Variants in THSD7B observed in about 807,000 individuals in gnomAD.
THSD7B encodes the protein thrombospondin type 1 domain containing 7B.
Under a neutral mutation model 213.6 loss-of-function variants are expected in THSD7B, and 138 were observed. That is an observed-to-expected ratio of 0.65 (90% confidence interval 0.56 to 0.74). The LOEUF is 0.74. THSD7B is among the 30% of genes least tolerant of loss of function. THSD7B has a pLI of 0.00. For missense variants in THSD7B, 1,931 were observed against 1,991.5 expected (o/e 0.97, Z 0.58); for synonymous variants, 742 against 687.0 (o/e 1.08, Z -1.25).
intron 12 of THSD7B, among the ~76,000 whole-genome samples, chr2:137,307,980 T>A (rs1209169292): frequency 4.6e-5 from 7 of 151,856 alleles, no homozygotes; most frequent in Non-Finnish European, 1.0e-4. Flanking sequence ...GAGGCAGGGG[T>A]GCAAATAGGG....
intron 2 of THSD7B, among the ~76,000 whole-genome samples, chr2:137,016,264 C>T (rs978621412): frequency 2.0e-5 from 3 of 152,106 alleles, no homozygotes; most frequent in African/African-American, 7.2e-5. Context: ...ACCTCCTTTG[C>T]TGTTTCTCTC....
chr2:137,522,653 A>T (rs1285314582), intron 15 of THSD7B, among the ~76,000 whole-genome samples: 1 of 152,028 alleles, frequency 6.6e-6, no homozygotes, highest in Non-Finnish European at 1.5e-5. Flanking sequence ...TTTCCTTTGC[A>T]TTATTTTATT....
chr2:137,359,786 T>G (rs1299670916), intron 12 of THSD7B, among the ~76,000 whole-genome samples: 1 of 152,198 alleles, frequency 6.6e-6, no homozygotes, highest in Non-Finnish European at 1.5e-5. Flanking sequence ...TCTTTTAAGA[T>G]TCTGTCTATA....
chr2:137,546,435 T>TTATA (rs1292087180), intron 15 of THSD7B, among the ~76,000 whole-genome samples: 2 of 32,738 alleles, frequency 6.1e-5, no homozygotes, highest in Non-Finnish European at 9.2e-5. Context: ...TATATATATA[T>TTATA]TATATATATT....
At chr2:136,880,524 A>G (rs1180026424) in intron 1 of THSD7B, among the ~76,000 whole-genome samples, 1 of 152,168 alleles carries the variant, frequency 6.6e-6, no homozygotes, top group African/African-American at 2.4e-5. Flanking sequence ...TGGTAGCCTC[A>G]TCAGACTTAA....
intron 7 of THSD7B, among the ~76,000 whole-genome samples, chr2:137,189,878 C>T (rs1023977525): frequency 6.6e-6 from 1 of 152,038 alleles, no homozygotes; most frequent in Non-Finnish European, 1.5e-5. Context: ...ATATGCTCCT[C>T]AAAAATAGAA....
At chr2:137,031,337 T>G (rs1278190698) in intron 2 of THSD7B, among the ~76,000 whole-genome samples, 1 of 152,154 alleles carries the variant, frequency 6.6e-6, no homozygotes. Context: ...AGAGTGAGAC[T>G]CTGTCTCTGA....
chr2:137,425,367 C>T (rs1234819792), intron 14 of THSD7B, among the ~76,000 whole-genome samples: 1 of 151,868 alleles, frequency 6.6e-6, no homozygotes, highest in African/African-American at 2.4e-5. Flanking sequence ...CAGGCATGCA[C>T]CACCACGCCC....
chr2:137,095,138 C>A lies in THSD7B; in HGVS notation c.1199+17C>A, dbSNP rs774864699. 2 of 1,611,282 alleles carry A rather than the reference C, an allele frequency of 1.2e-6. No individual in the cohort carries two copies. Among genetic ancestry groups the A allele is most frequent in the Non-Finnish European group, 1.7e-6 (2 of 1,177,970 alleles). ...ATGTCCCAGGTATTACGCCTTTATG[C>A]CTTCTTTAGTGTGAAGGAGGCATAA... On this transcript the variant is annotated intron_variant, in intron 4 of 27. Transcript: ENST00000409968.
intron 2 of THSD7B, among the ~76,000 whole-genome samples, chr2:136,957,301 G>A (rs189883689): frequency 1.1e-3 from 167 of 152,300 alleles, no homozygotes; most frequent in South Asian, 7.3e-3. Context: ...GCTACCATGT[G>A]CATGCTGAGA....
At chr2:137,001,893 TTTC>T (rs965836184) in intron 2 of THSD7B, among the ~76,000 whole-genome samples, 2 of 152,158 alleles carry the variant, frequency 1.3e-5, no homozygotes, top group African/African-American at 4.8e-5. Context: ...TTCAAAACTT[TTTC>T]TTTTTTCTTA....
intron 15 of THSD7B, among the ~76,000 whole-genome samples, chr2:137,518,201 A>T (rs1171471580): frequency 6.6e-6 from 1 of 152,086 alleles, no homozygotes; most frequent in Non-Finnish European, 1.5e-5. Flanking sequence ...TGATGGCCTC[A>T]TGGGGAGTTC....
intron 2 of THSD7B, among the ~76,000 whole-genome samples, chr2:137,049,979 C>A (rs894414357): frequency 3.9e-5 from 6 of 152,146 alleles, no homozygotes; most frequent in African/African-American, 1.4e-4. Context: ...TTACAAATCA[C>A]TGGATTGGGT....
intron 14 of THSD7B, among the ~76,000 whole-genome samples, chr2:137,446,479 T>C (rs1156266380): frequency 6.6e-6 from 1 of 152,048 alleles, no homozygotes; most frequent in East Asian, 1.9e-4. Context: ...GTAACATCGA[T>C]AGGGATAGTA....
At chr2:137,212,703 T>G (rs1462172249) in intron 7 of THSD7B, among the ~76,000 whole-genome samples, 1 of 151,992 alleles carries the variant, frequency 6.6e-6, no homozygotes, top group African/African-American at 2.4e-5. Flanking sequence ...AGTTCAGAAA[T>G]TCACTGCTTA....
At chr2:137,093,585 A>G (rs1687990178) in intron 3 of THSD7B, among the ~76,000 whole-genome samples, 2 of 152,194 alleles carry the variant, frequency 1.3e-5, no homozygotes, top group South Asian at 4.1e-4. Flanking sequence ...TTACTTTAGA[A>G]TAGTGTTTTC....
At chr2:137,358,471 G>GA (rs1451145308) in intron 12 of THSD7B, among the ~76,000 whole-genome samples, 1 of 152,014 alleles carries the variant, frequency 6.6e-6, no homozygotes, top group African/African-American at 2.4e-5. Context: ...TCAGAGGACC[G>GA]AAAAAAATTT....
At chr2:137,188,881 T>A (rs1680604212) in intron 7 of THSD7B, among the ~76,000 whole-genome samples, 1 of 152,120 alleles carries the variant, frequency 6.6e-6, no homozygotes, top group Admixed American at 6.6e-5. Context: ...TGAACTGAAG[T>A]TTTCACAGGA....
chr2:136,854,418 T>C (rs1356176161), intron 1 of THSD7B, among the ~76,000 whole-genome samples: 1 of 152,056 alleles, frequency 6.6e-6, no homozygotes, highest in Admixed American at 6.6e-5. Context: ...GATTTACTTC[T>C]TTGCTTCATA....
Sources: allele counts gnomAD v4.1 joint callset (sites outside exome capture counted in the v4.1 genomes callset), GRCh38; gene constraint gnomAD v4.1.1; transcripts MANE v1.5; gene names NCBI Gene and HGNC (gene_info 2026-07-23, HGNC 2026-07-21).